KMT2B: variants seen among roughly 807,000 people sequenced by gnomAD.
The protein encoded by KMT2B is lysine methyltransferase 2B, also known as histone-lysine N-methyltransferase 2B.
In KMT2B, 22 loss-of-function variants were observed where a neutral mutation model predicts 255.3. The ratio of observed to expected loss-of-function variants is 0.09; its 90% CI spans 0.06 to 0.12. The LOEUF (loss-of-function observed/expected upper bound fraction) is 0.12. Ranked by LOEUF, KMT2B falls within the 10% of genes least tolerant of loss-of-function variation. The pLI is 1.00. For missense variants in KMT2B, 3,149 were observed against 3,737.0 expected (o/e 0.84, Z 4.10); for synonymous variants, 1,730 against 1,498.1 (o/e 1.15, Z -3.57).
intron 14 of KMT2B, among the ~76,000 whole-genome samples, chr19:35,726,575 A>C (rs1034477807): frequency 2.6e-5 from 4 of 151,624 alleles, no homozygotes; most frequent in African/African-American, 9.7e-5. Context: ...CTGGGACCCC[A>C]CTGTCTTGGT....
In KMT2B at chr19:35,733,719, T is replaced by C. The variant is rs923721433; in HGVS notation, c.7049+33T>C. The C allele has an allele frequency of 6.8e-6, 11 of 1,608,656 alleles. No individual in the cohort carries two copies. Among genetic ancestry groups the C allele is most frequent in the Non-Finnish European group, 9.3e-6 (11 of 1,177,020 alleles). ...GCCAGGCCCCTCTCCCTGGAGGGTC[T>C]GGGACCTCTGTCCTTCCCCTTCCTG... On this transcript the variant is annotated intron_variant, in intron 29 of 36. Transcript: ENST00000420124. This position sits in a 1 kb window ranked among gnomAD's most constrained non-coding sequence, Gnocchi z 4.3.
Position 35,721,523 on chromosome 19 carries a change from G to C in KMT2B, c.2176G>C (p.Ala726Pro), listed in dbSNP as rs1321602732. The C allele has an allele frequency of 6.2e-7, 1 of 1,611,766 alleles. No homozygotes were observed. The highest frequency in any genetic ancestry group is 8.5e-7 in the Non-Finnish European group (1 of 1,179,870). The change falls in exon 3 of 37, where the codon GCT becomes CCT. Residue 726 changes from alanine (A) to proline (P), a missense_variant. Physicochemically the swap from Ala to Pro is conservative, Grantham distance 27. Transcript: ENST00000420124. Reference sequence around the variant, plus strand: ...CGAGGTGTCCCCTCACGGGGCTCCAGCTCTGAGCAACGGGCCACAGACACA... The same window carrying C: ...CGAGGTGTCCCCTCACGGGGCTCCACCTCTGAGCAACGGGCCACAGACACA... ...KAEVSPHGAP[A>P]LSNGPQTQAQ...
In KMT2B at chr19:35,724,749, C is replaced by T. The variant is rs1005693756; in HGVS notation, c.3429+18C>T. On this transcript the variant is annotated intron_variant, in intron 9 of 36. Transcript: ENST00000420124. ...TGGACAAGGTCAGCACGGCCCGCTC[C>T]GAGAGCCCCTTCCCTCCAGGAGCTA... 1.0e-5 allele frequency: 16 copies of T among 1,561,952 alleles called. No homozygotes were observed. Among genetic ancestry groups the T allele is most frequent in the East Asian group, 2.4e-5 (1 of 42,062 alleles).
In KMT2B at chr19:35,733,331, C is replaced by A. The variant is rs755598760; in HGVS notation, c.6782C>A (p.Thr2261Lys). Reference sequence around the variant, plus strand: ...CCGCCCCCGCCACCCCCTCCCCTGACGCTGGTGCTGAGCAGTGGGCCAGCC... The same window carrying A: ...CCGCCCCCGCCACCCCCTCCCCTGAAGCTGGTGCTGAGCAGTGGGCCAGCC... Reference protein sequence around the residue: ...PAPPPPPPPLTLVLSSGPASP... With the variant: ...PAPPPPPPPLKLVLSSGPASP... Residue 2261 changes from threonine to lysine, a missense_variant, in exon 28 of 37, where the codon ACG (threonine) becomes AAG (lysine). Around this residue, in one of 18 missense-constraint regions of KMT2B, gnomAD observed 897 missense variants for 825.3 expected, o/e 1.09. Transcript: ENST00000420124. This position sits in a 1 kb window ranked among gnomAD's most constrained non-coding sequence, Gnocchi z 4.3. The A allele has an allele frequency of 7.5e-4, 1,104 of 1,464,666 alleles. 1 individual carries two copies. The highest frequency in any genetic ancestry group is 9.7e-4 in the Non-Finnish European group (1,042 of 1,073,330). 90.7% of individuals were successfully genotyped at this position (1,464,666 alleles called of 1,614,324 possible).
chr19:35,730,519 C>T lies in KMT2B; in HGVS notation c.5198-19C>T. 1 of 1,614,018 alleles carries T rather than the reference C, an allele frequency of 6.2e-7. No individual in the cohort carries two copies. Among genetic ancestry groups the T allele is most frequent in the Non-Finnish European group, 8.5e-7 (1 of 1,179,874 alleles). On this transcript the variant is annotated intron_variant, in intron 24 of 36. Transcript: ENST00000420124. ...ACCCTGTCCTGCCTGCCTCTCCTGA[C>T]CTCCGCTTTGCACCACAGGTTCCAT... is the stretch of plus-strand genomic sequence containing the variant.
rs1391327810 is a variant in KMT2B at position 35,733,170 on chromosome 19, G to A, written c.6621G>A (p.Glu2207=). The part of the protein sequence containing the change: ...LGQVFVKMAG[E]GEPVPPPVKQ... Reference sequence around the variant, plus strand: ...AAGTATTTGTGAAGATGGCTGGGGAGGGTGAACCTGTCCCACCCCCAGTGA... The same window carrying A: ...AAGTATTTGTGAAGATGGCTGGGGAAGGTGAACCTGTCCCACCCCCAGTGA... Residue 2207 remains glutamate (E), a synonymous_variant, in exon 28 of 37, where the codon GAG becomes GAA. Coordinates refer to ENST00000420124, the MANE Select transcript of KMT2B (RefSeq NM_014727.3). The surrounding 1 kb of genome is among the most constrained non-coding windows in gnomAD (Gnocchi z 4.3). 6 of 1,567,564 alleles carry A rather than the reference G, an allele frequency of 3.8e-6. No homozygotes were observed. The South Asian group carries it at 7.0e-5, about 18-fold the overall frequency.
At chr19:35,724,953 C>G in intron 9 of KMT2B, 36 bp from the exon 10 acceptor site, 1 of 1,453,062 alleles carries the variant, frequency 6.9e-7, no homozygotes, top group Non-Finnish European at 9.7e-7. Context: ...CACGGCCAGG[C>G]TGGCAGCTCT....
At position 35,733,878 on chromosome 19, in the gene KMT2B, G is replaced by T. The variant is rs1219479394; in HGVS notation, c.7159+6G>T. ...CCAGTGGCACCACTATTCAGGTAGG[G>T]ACCGGCCTTGCCCTCTCCCTCCTTG... On this transcript the variant is annotated splice_donor_region_variant and intron_variant, in intron 30 of 36. Coordinates refer to ENST00000420124, the MANE Select transcript of KMT2B (RefSeq NM_014727.3). This position sits in a 1 kb window ranked among gnomAD's most constrained non-coding sequence, Gnocchi z 4.3. The T allele has an allele frequency of 6.9e-6, 11 of 1,601,618 alleles. No homozygotes were observed. The highest frequency in any genetic ancestry group is 1.1e-5 in the South Asian group (1 of 90,646).
Position 35,720,096 on chromosome 19 carries a change from C to G in KMT2B, c.749C>G (p.Pro250Arg). 1 of 1,602,402 alleles carries G rather than the reference C, an allele frequency of 6.2e-7. No individual in the cohort carries two copies. Among genetic ancestry groups the G allele is most frequent in the Non-Finnish European group, 8.5e-7 (1 of 1,174,548 alleles). ...GAAGCAGCTGTGACAATCCCCAAAC[C>G]TGAGCCCCCACCTCCTGTGGTTCCA... Reference protein sequence around the residue: ...VAEAAVTIPKPEPPPPVVPVK... With the variant: ...VAEAAVTIPKREPPPPVVPVK... The change falls in exon 3 of 37, where the codon CCT (proline) becomes CGT (arginine). Residue 250 changes from proline (P) to arginine (R), a missense_variant. By Grantham distance (103) the Pro-to-Arg change is moderately radical. Around this residue, in one of 18 missense-constraint regions of KMT2B, gnomAD observed 1,188 missense variants for 1,106.4 expected, o/e 1.07. Coordinates refer to ENST00000420124, the MANE Select transcript of KMT2B (RefSeq NM_014727.3).
intron 26 of KMT2B, among the ~76,000 whole-genome samples, chr19:35,731,674 G>A (rs1406824112): frequency 6.6e-6 from 1 of 152,212 alleles, no homozygotes; most frequent in Non-Finnish European, 1.5e-5. Flanking sequence ...CAGAGGCAGA[G>A]AGGAGATGGC....
At position 35,738,351 on chromosome 19, in the gene KMT2B, G is replaced by T; in HGVS notation, c.7942G>T (p.Ala2648Ser). 6.2e-7 allele frequency: 1 copy of T among 1,613,856 alleles called. No individual in the cohort carries two copies. The highest frequency in any genetic ancestry group is 8.5e-7 in the Non-Finnish European group (1 of 1,179,846). Residue 2648 changes from alanine to serine, a missense_variant, in exon 37 of 37, where the codon GCC (alanine) becomes TCC (serine). By Grantham distance (99) the Ala-to-Ser change is moderately conservative. Around this residue, in one of 18 missense-constraint regions of KMT2B, gnomAD observed 56 missense variants for 238.8 expected, o/e 0.23. Coordinates refer to ENST00000420124, the MANE Select transcript of KMT2B (RefSeq NM_014727.3). The surrounding 1 kb of genome is among the most constrained non-coding windows in gnomAD (Gnocchi z 8.7). ...VVDATMHGNAARFINHSCEPN... is the reference protein window; with the variant it reads ...VVDATMHGNASRFINHSCEPN... ...GGACGCCACGATGCATGGCAATGCC[G>T]CCCGCTTCATCAACCACTCCTGTGA...
chr19:35,725,867 A>G lies in KMT2B; in HGVS notation c.3885+49A>G. On this transcript the variant is annotated intron_variant, in intron 13 of 36. Coordinates refer to ENST00000420124, the MANE Select transcript of KMT2B (RefSeq NM_014727.3). The surrounding 1 kb of genome is among the most constrained non-coding windows in gnomAD (Gnocchi z 4.1). ...TGCTTTGTCTCTAATGAATATCACC[A>G]CCACCCCCAAACTTGCTCTAGGCTG... 1 of 1,460,878 alleles carries G rather than the reference A, an allele frequency of 6.8e-7. No homozygotes were observed. Among genetic ancestry groups the G allele is most frequent in the Non-Finnish European group, 9.4e-7 (1 of 1,065,144 alleles). The allele number at this position is 1,460,878 out of a possible 1,614,324, so 90.5% of individuals were successfully genotyped here. A position where few individuals can be genotyped will look rare whatever the true frequency, so the allele number is the denominator to read the frequency against.
In KMT2B at chr19:35,721,688, G is replaced by C. The variant is rs1316391989; in HGVS notation, c.2341G>C (p.Gly781Arg). ...PLEKARIAGV[G>R]SLPLSGVEEK... The stretch of plus-strand genomic sequence containing the variant: ...GGAAAAAGCCCGGATTGCGGGCGTG[G>C]GTTCCTTGCCGCTGTCTGGGGTAGA... The change falls in exon 3 of 37, where the codon GGT (glycine) becomes CGT (arginine). Residue 781 changes from glycine to arginine, a missense_variant. By Grantham distance (125) the Gly-to-Arg change is moderately radical. Coordinates refer to ENST00000420124, the MANE Select transcript of KMT2B (RefSeq NM_014727.3). 1 of 1,611,134 alleles carries C rather than the reference G, an allele frequency of 6.2e-7. No individual in the cohort carries two copies. Among genetic ancestry groups the C allele is most frequent in the Admixed American group, 1.7e-5 (1 of 59,366 alleles).
rs765806995 is a variant in KMT2B at position 35,727,689 on chromosome 19, G to A, written c.4303-9G>A. On this transcript the variant is annotated splice_polypyrimidine_tract_variant and intron_variant, in intron 16 of 36. Coordinates refer to ENST00000420124, the MANE Select transcript of KMT2B (RefSeq NM_014727.3). This position sits in a 1 kb window ranked among gnomAD's most constrained non-coding sequence, Gnocchi z 4.2. ...CACCCCCAGCCCTGCTAACTTCCCC[G>A]CTTTGCAGTGTGGGCCAGATGGGAA... 5.5e-5 allele frequency: 89 copies of A among 1,613,472 alleles called. No homozygotes were observed. The highest frequency in any genetic ancestry group is 7.1e-5 in the Non-Finnish European group (84 of 1,179,878).
chr19:35,723,652 C>A lies in KMT2B; in HGVS notation c.3059-80C>A. 7.4e-7 allele frequency: 1 copy of A among 1,355,900 alleles called. No individual in the cohort carries two copies. Among genetic ancestry groups the A allele is most frequent in the Non-Finnish European group, 1.0e-6 (1 of 999,840 alleles). 84.0% of individuals were successfully genotyped at this position (1,355,900 alleles called of 1,614,324 possible). On this transcript the variant is annotated intron_variant, in intron 7 of 36. Transcript: ENST00000420124. The surrounding 1 kb of genome is among the most constrained non-coding windows in gnomAD (Gnocchi z 7.5). ...CATAGCTCCTGCGTTCATTCCCTGC[C>A]CCGCTTCTTTCTGGCTTCTCTCCCA...
In KMT2B at chr19:35,733,723, A is replaced by G. The variant is rs774952766; in HGVS notation, c.7049+37A>G. 2 of 1,608,808 alleles carry G rather than the reference A, an allele frequency of 1.2e-6. No individual in the cohort carries two copies. The highest frequency in any genetic ancestry group is 1.7e-5 in the Admixed American group (1 of 59,396). On this transcript the variant is annotated intron_variant, in intron 29 of 36. Transcript: ENST00000420124. The surrounding 1 kb of genome is among the most constrained non-coding windows in gnomAD (Gnocchi z 4.3). ...GGCCCCTCTCCCTGGAGGGTCTGGG[A>G]CCTCTGTCCTTCCCCTTCCTGACAG...
In KMT2B at chr19:35,737,159, C is replaced by G; in HGVS notation, c.7446C>G (p.Ala2482=). ...VIFLAEQLPG[A]QRCQHYKFRY... ...TCCTGGCCGAGCAGCTCCCCGGAGC[C>G]CAGCGTTGCCAGCACTATAAGTTCC... The change falls in exon 33 of 37, where the codon GCC becomes GCG. Residue 2482 remains alanine, a synonymous_variant. Coordinates refer to ENST00000420124, the MANE Select transcript of KMT2B (RefSeq NM_014727.3). The surrounding 1 kb of genome is among the most constrained non-coding windows in gnomAD (Gnocchi z 5.3). 1 of 1,608,402 alleles carries G rather than the reference C, an allele frequency of 6.2e-7. No homozygotes were observed. The highest frequency in any genetic ancestry group is 8.5e-7 in the Non-Finnish European group (1 of 1,177,326).
Position 35,723,144 on chromosome 19 carries a change from G to T in KMT2B, c.2872G>T (p.Gly958Cys). 6.2e-7 allele frequency: 1 copy of T among 1,613,514 alleles called. No individual in the cohort carries two copies. Among genetic ancestry groups the T allele is most frequent in the Non-Finnish European group, 8.5e-7 (1 of 1,179,862 alleles). ...CCGGCGCTCACTGCCCTCCCATCAC[G>T]GCAAGAAGATGCGCATGGCTCGATG... Reference protein sequence around the residue: ...TPRRSLPSHHGKKMRMARCGH... With the variant: ...TPRRSLPSHHCKKMRMARCGH... Residue 958 changes from glycine (G) to cysteine (C), a missense_variant, in exon 6 of 37, where the codon GGC (glycine) becomes TGC (cysteine). Gly to Cys is a radical substitution (Grantham distance 159). Transcript: ENST00000420124. This position sits in a 1 kb window ranked among gnomAD's most constrained non-coding sequence, Gnocchi z 7.5.
At chr19:35,719,710 C>G in intron 2 of KMT2B, 74 bp from the exon 3 acceptor site, 1 of 1,533,062 alleles carries the variant, frequency 6.5e-7, no homozygotes, top group South Asian at 1.3e-5. Context: ...GACTTAGTCC[C>G]TGCCCTCCTG....
Sources: allele counts gnomAD v4.1 joint callset (sites outside exome capture counted in the v4.1 genomes callset), GRCh38; gene constraint gnomAD v4.1.1; regional missense constraint gnomAD v4.1.1; non-coding constraint Gnocchi (gnomAD v3.1); transcripts MANE v1.5; gene names NCBI Gene and HGNC (gene_info 2026-07-23, HGNC 2026-07-21).